The following HMGCLL1 variants were observed in gnomAD, a reference collection of about 807,000 sequenced individuals.
HMGCLL1 encodes 3-hydroxymethyl-3-methylglutaryl-CoA lyase, cytoplasmic.
A neutral mutation model predicts 39.1 loss-of-function variants in HMGCLL1; 36 were observed. That is an observed-to-expected ratio of 0.92 (90% CI 0.71 to 1.22). The LOEUF is 1.22. HMGCLL1 is among the 50% of genes most tolerant of loss of function. The pLI is 0.00. For missense variants in HMGCLL1, 451 were observed against 416.5 expected, an observed-to-expected ratio of 1.08 and a Z score of -0.72; for synonymous variants, 149 against 144.0, an observed-to-expected ratio of 1.03 and a Z score of -0.25.
chr6:55,665,802 C>A, the HMGCLL1 span, among the ~76,000 whole-genome samples: 1 of 151,624 alleles, frequency 6.6e-6, no homozygotes, highest in Non-Finnish European at 1.5e-5. Context: ...CTCAATACAG[C>A]CTGTTCTAAA....
At chr6:55,584,861 A>T in the HMGCLL1 span, among the ~76,000 whole-genome samples, 2 of 152,044 alleles carry the variant, frequency 1.3e-5, no homozygotes, top group Admixed American at 6.6e-5. Flanking sequence ...ATTCCATAGA[A>T]CTTTGGTGAG....
At chr6:55,536,392 GAT>G (rs1769028289) in intron 3 of HMGCLL1, among the ~76,000 whole-genome samples, 1 of 152,008 alleles carries the variant, frequency 6.6e-6, no homozygotes, top group African/African-American at 2.4e-5. Flanking sequence ...TTAAATAAGT[GAT>G]ATTCATTTTA....
chr6:55,542,409 AC>A (rs1296069680), intron 1 of HMGCLL1, among the ~76,000 whole-genome samples: 1 of 152,122 alleles, frequency 6.6e-6, no homozygotes, highest in Non-Finnish European at 1.5e-5. Flanking sequence ...TAATTGATTT[AC>A]TCAGGACCTA....
At chr6:55,621,663 T>C in the HMGCLL1 span, among the ~76,000 whole-genome samples, 1 of 152,104 alleles carries the variant, frequency 6.6e-6, no homozygotes, top group African/African-American at 2.4e-5. Context: ...TTCTACATTA[T>C]GGTGAGTTAC....
At chr6:55,525,479 CATCTAACTGAAATAATTAAGGCCCTTT>C in intron 3 of HMGCLL1, among the ~76,000 whole-genome samples, 1 of 152,044 alleles carries the variant, frequency 6.6e-6, no homozygotes, top group Admixed American at 6.6e-5. Flanking sequence ...ATTTTAATTA[CATCTAACTGAAATAATTAAGGCCCTTT>C]ATCTTGTTAA....
rs1771904211 is a variant in HMGCLL1, at chr6:55,578,992, G to A, written c.64C>T (p.Leu22Phe). ...LSYQQLLREH[L>F]WIGDSVAGAL... The stretch of plus-strand genomic sequence containing the variant: ...CCTGCCACTGAATCCCCGATCCAGA[G>A]ATGCTCCCGGAGAAGCTGCTGGTAG... The change falls in exon 1 of 9, where the codon CTC (leucine) becomes TTC (phenylalanine). Residue 22 changes from leucine (L) to phenylalanine (F), a missense_variant. Coordinates refer to ENST00000274901, the MANE Select transcript of HMGCLL1 (RefSeq NM_001042406.2). The A allele has an allele frequency of 1.2e-6, 2 of 1,613,804 alleles. No homozygotes were observed. The highest frequency in any genetic ancestry group is 1.7e-6 in the Non-Finnish European group (2 of 1,179,872).
At chr6:55,627,920 TAA>T in the HMGCLL1 span, among the ~76,000 whole-genome samples, 81 of 2,716 alleles carry the variant, frequency 0.03, 12 homozygotes, top group African/African-American at 0.099. Flanking sequence ...TATATATATA[TAA>T]TATATATACT....
At chr6:55,539,863 A>AAAGAAAGAGG in intron 3 of HMGCLL1, among the ~76,000 whole-genome samples, 1 of 30,602 alleles carries the variant, frequency 3.3e-5, no homozygotes, top group Non-Finnish European at 6.0e-5. Flanking sequence ...AAAGAGGAAG[A>AAAGAAAGAGG]AAGAAAGAAA....
intron 7 of HMGCLL1, among the ~76,000 whole-genome samples, chr6:55,454,777 G>T (rs1303105459): frequency 6.6e-6 from 1 of 152,194 alleles, no homozygotes; most frequent in South Asian, 2.1e-4. Flanking sequence ...AGGAGAAAGA[G>T]AATAGGAGGA....
At chr6:55,436,125 C>T (rs1170847974) in intron 8 of HMGCLL1, among the ~76,000 whole-genome samples, 2 of 151,524 alleles carry the variant, frequency 1.3e-5, no homozygotes, top group South Asian at 2.1e-4. Flanking sequence ...TGTTTTGGAG[C>T]AGTTTATAGA....
chr6:55,645,373 ATTTGGATGCCTTTACTTC>A, the HMGCLL1 span, among the ~76,000 whole-genome samples: 1 of 151,850 alleles, frequency 6.6e-6, no homozygotes, highest in Non-Finnish European at 1.5e-5. Context: ...TTCCTTTCCA[ATTTGGATGCCTTTACTTC>A]TTTCTCTTGT....
intron 3 of HMGCLL1, among the ~76,000 whole-genome samples, chr6:55,525,585 G>A (rs904500590): frequency 5.3e-5 from 8 of 152,008 alleles, no homozygotes; most frequent in African/African-American, 1.7e-4. Flanking sequence ...AAGTGGAACC[G>A]ACTCAGTATG....
At chr6:55,615,290 T>C in the HMGCLL1 span, among the ~76,000 whole-genome samples, 1 of 151,444 alleles carries the variant, frequency 6.6e-6, no homozygotes, top group South Asian at 2.1e-4. Flanking sequence ...AGAAAGGAAA[T>C]GATAGCAACA....
the HMGCLL1 span, among the ~76,000 whole-genome samples, chr6:55,638,983 A>G: frequency 6.6e-6 from 1 of 152,270 alleles, no homozygotes; most frequent in South Asian, 2.1e-4. Context: ...CAGGAAAATG[A>G]CAATATTTAC....
At chr6:55,674,289 C>A in the HMGCLL1 span, among the ~76,000 whole-genome samples, 1,041 of 151,176 alleles carry the variant, frequency 6.9e-3, 20 homozygotes, top group African/African-American at 0.023. Flanking sequence ...AAAGAGATAC[C>A]TAATTTAAAG....
chr6:55,437,435 A>G (rs1321466848), intron 8 of HMGCLL1, among the ~76,000 whole-genome samples: 1 of 151,980 alleles, frequency 6.6e-6, no homozygotes, highest in Non-Finnish European at 1.5e-5. Context: ...AAATGCAGAA[A>G]GGAATGTGTC....
intron 3 of HMGCLL1, among the ~76,000 whole-genome samples, chr6:55,533,430 C>T (rs535363884): frequency 2.0e-5 from 3 of 152,086 alleles, no homozygotes; most frequent in South Asian, 4.1e-4. Flanking sequence ...AACAAAAGAG[C>T]AACAAAAATC....
chr6:55,640,438 T>TA, the HMGCLL1 span, among the ~76,000 whole-genome samples: 1 of 151,970 alleles, frequency 6.6e-6, no homozygotes, highest in African/African-American at 2.4e-5. Context: ...GAGGAGTACA[T>TA]ACAGCATCAT....
At chr6:55,636,285 C>T in the HMGCLL1 span, among the ~76,000 whole-genome samples, 13 of 152,098 alleles carry the variant, frequency 8.5e-5, no homozygotes, top group Admixed American at 2.6e-4. Flanking sequence ...AAATATCCTG[C>T]AAGTATTATG....
Sources: gnomAD v4.1 joint callset for allele counts (sites outside exome capture counted in the v4.1 genomes callset) on GRCh38, gnomAD v4.1.1 for gene constraint, MANE v1.5 for transcripts, NCBI Gene and HGNC (gene_info 2026-07-23, HGNC 2026-07-21) for gene names.